RASAL2: variants seen among roughly 807,000 people sequenced by gnomAD.
The protein encoded by RASAL2 is ras GTPase-activating protein nGAP.
Under a neutral mutation model 128.9 loss-of-function variants are expected in RASAL2, and 58 were observed. The ratio of observed to expected loss-of-function variants is 0.45; its 90% CI spans 0.36 to 0.56. RASAL2 has a LOEUF of 0.56. RASAL2 is among the 20% of genes least tolerant of loss of function. The pLI is 0.00. For synonymous variants in RASAL2, 561 were observed against 580.8 expected (o/e 0.97, Z 0.49); for missense variants, 1,360 against 1,601.6 (o/e 0.85, Z 2.57).
chr1:178,168,365 CAAG>C (rs1300092620), intron 1 of RASAL2, among the ~76,000 whole-genome samples: 1 of 151,502 alleles, frequency 6.6e-6, no homozygotes, highest in African/African-American at 2.4e-5. Context: ...TACATATCCC[CAAG>C]AAGAAAAGTT....
intron 3 of RASAL2, among the ~76,000 whole-genome samples, chr1:178,314,628 TA>T (rs1157299640): frequency 1.3e-5 from 2 of 152,148 alleles, no homozygotes; most frequent in Non-Finnish European, 2.9e-5. Flanking sequence ...ATGTTTACAA[TA>T]TTTTTTTTGA....
At chr1:178,354,365 A>G (rs1297790430) in intron 3 of RASAL2, among the ~76,000 whole-genome samples, 1 of 152,216 alleles carries the variant, frequency 6.6e-6, no homozygotes, top group Admixed American at 6.5e-5. Flanking sequence ...CTGATTAGTG[A>G]TATCTACAAA....
At chr1:178,227,486 T>C (rs1663836183) in intron 1 of RASAL2, among the ~76,000 whole-genome samples, 3 of 152,200 alleles carry the variant, frequency 2.0e-5, no homozygotes, top group South Asian at 4.1e-4. Flanking sequence ...ATCCCCTTAC[T>C]ACACACTTCC....
At chr1:178,142,454 G>C (rs546625269) in intron 1 of RASAL2, among the ~76,000 whole-genome samples, 4 of 152,294 alleles carry the variant, frequency 2.6e-5, no homozygotes, top group Non-Finnish European at 5.9e-5. Context: ...TAAGTTGGCT[G>C]TCTCTTGGTC....
chr1:178,304,285 A>G (rs534308839), intron 3 of RASAL2, among the ~76,000 whole-genome samples: 2 of 152,256 alleles, frequency 1.3e-5, no homozygotes, highest in Non-Finnish European at 2.9e-5. Context: ...GCACTTTGGG[A>G]GGCTGAAGCT....
At chr1:178,437,433 T>C (rs1676324199) in intron 5 of RASAL2, among the ~76,000 whole-genome samples, 1 of 152,142 alleles carries the variant, frequency 6.6e-6, no homozygotes, top group Non-Finnish European at 1.5e-5. Flanking sequence ...TGATTTGGGG[T>C]TGCACTGCCA....
chr1:178,460,234 A>G (rs1209144133), intron 14 of RASAL2, among the ~76,000 whole-genome samples: 1 of 152,248 alleles, frequency 6.6e-6, no homozygotes, highest in East Asian at 1.9e-4. Context: ...GGACAGGGAA[A>G]GTGTCCTCCA....
chr1:178,115,974 G>A (rs1173266306), intron 1 of RASAL2, among the ~76,000 whole-genome samples: 1 of 152,170 alleles, frequency 6.6e-6, no homozygotes, highest in Non-Finnish European at 1.5e-5. Context: ...AAACTAGAGG[G>A]ATGTTGGTAC....
In RASAL2 at chr1:178,403,011, A is replaced by C. The variant is rs550675472; in HGVS notation, c.564+12805A>C. 5.9e-5 allele frequency among the ~76,000 whole-genome samples: 9 copies of C among 152,252 alleles called. No individual in the cohort carries two copies. In the South Asian group the frequency reaches 1.9e-3, roughly 32 times the overall value. ...TCATTTCTCATTATTATATTCCTTAAAGCCATCATCCTCAATATTCATACT... is the reference window on the plus strand; with the variant it reads ...TCATTTCTCATTATTATATTCCTTACAGCCATCATCCTCAATATTCATACT... On this transcript the variant is annotated intron_variant, in intron 4 of 17. Transcript: ENST00000367649.
chr1:178,441,400 C>T, intron 6 of RASAL2, 149 bp from the exon 7 acceptor site: 2 of 553,062 alleles, frequency 3.6e-6, no homozygotes, highest in Non-Finnish European at 3.3e-6. Context: ...GATCTGAGAC[C>T]ATGTTTTTCT....
intron 2 of RASAL2, among the ~76,000 whole-genome samples, chr1:178,284,608 C>G (rs1666932997): frequency 6.6e-6 from 1 of 152,166 alleles, no homozygotes. Flanking sequence ...CAAACTGTTA[C>G]AGTTTACAAA....
In RASAL2 at chr1:178,448,859, G is replaced by A. The variant is rs116661843; in HGVS notation, c.1628-2712G>A. ...CAGTGAATGATTAAATGGCCGATGG[G>A]CTCAATGAGGCATGAAAATTAATTC... On this transcript the variant is annotated intron_variant, in intron 9 of 17. Transcript: ENST00000367649. Among the ~76,000 whole-genome samples, 1,233 of 152,244 alleles carry A rather than the reference G, an allele frequency of 8.1e-3. 11 individuals are homozygous for A. The highest frequency in any genetic ancestry group is 0.027 in the Middle Eastern group (8 of 294).
chr1:178,297,445 T>TA lies in RASAL2; in HGVS notation c.331-2535dup, dbSNP rs200383838. Among the ~76,000 whole-genome samples, 143 of 138,768 alleles carry TA rather than the reference T, an allele frequency of 1.0e-3. No individual in the cohort carries two copies. In the Middle Eastern group the frequency reaches 0.015, roughly 14 times the overall value. 91.0% of individuals were successfully genotyped at this position (138,768 alleles called of 152,430 possible). On this transcript the variant is annotated intron_variant, in intron 2 of 17. Coordinates refer to ENST00000367649, the MANE Select transcript of RASAL2 (RefSeq NM_170692.4). ...TGTAAAACCCTGTCTCTACTAAAAA[T>TA]AAAAAAAAAAAATCAGCTGGGCGTG...
intron 3 of RASAL2, among the ~76,000 whole-genome samples, chr1:178,317,590 G>A (rs977490403): frequency 2.7e-5 from 4 of 149,600 alleles, no homozygotes; most frequent in Admixed American, 2.0e-4. Context: ...AGAGGTGTTT[G>A]TAGTATTCTC....
chr1:178,115,060 G>C (rs551502103), intron 1 of RASAL2, among the ~76,000 whole-genome samples: 1 of 152,072 alleles, frequency 6.6e-6, no homozygotes, highest in African/African-American at 2.4e-5. Flanking sequence ...TGTAGAATTA[G>C]TACTATTTCT....
At position 178,292,035 on chromosome 1, in the gene RASAL2, CA is replaced by C. The variant is rs34317624; in HGVS notation, c.331-7935del. ...TGGGTGACTGGGCAAGACTTTGTCTCAAAAAAAAAAAAAAAAAAAAAAGAAT... is the reference window on the plus strand; with the variant it reads ...TGGGTGACTGGGCAAGACTTTGTCTCAAAAAAAAAAAAAAAAAAAAAGAAT... On this transcript the variant is annotated intron_variant, in intron 2 of 17. Coordinates refer to ENST00000367649, the MANE Select transcript of RASAL2 (RefSeq NM_170692.4). Among the ~76,000 whole-genome samples, 251 of 59,100 alleles carry C rather than the reference CA, an allele frequency of 4.2e-3. 1 individual carries two copies. The highest frequency in any genetic ancestry group is 8.5e-3 in the East Asian group (15 of 1,770). 38.8% of individuals were successfully genotyped at this position (59,100 alleles called of 152,430 possible).
chr1:178,381,621 A>G (rs1000184309), intron 3 of RASAL2, among the ~76,000 whole-genome samples: 3 of 152,032 alleles, frequency 2.0e-5, no homozygotes, highest in Non-Finnish European at 2.9e-5. Flanking sequence ...CTCTATTAAT[A>G]TTTGTTTGGG....
intron 17 of RASAL2, among the ~76,000 whole-genome samples, chr1:178,472,230 T>A (rs1207309093): frequency 6.6e-6 from 1 of 152,094 alleles, no homozygotes; most frequent in African/African-American, 2.4e-5. Flanking sequence ...AGACTGCCTA[T>A]TTTTTTTCCT....
intron 3 of RASAL2, among the ~76,000 whole-genome samples, chr1:178,311,943 A>G (rs1668275773): frequency 1.3e-5 from 2 of 152,192 alleles, no homozygotes; most frequent in Admixed American, 1.3e-4. Flanking sequence ...AGGATGTTAC[A>G]TACATGAAAC....
Sources: allele counts gnomAD v4.1 joint callset (sites outside exome capture counted in the v4.1 genomes callset), GRCh38; gene constraint gnomAD v4.1.1; transcripts MANE v1.5; gene names NCBI Gene and HGNC (gene_info 2026-07-23, HGNC 2026-07-21).